Variants in APBA2 observed in about 807,000 individuals in gnomAD.
The protein encoded by APBA2 is amyloid beta precursor protein binding family A member 2, also known as amyloid-beta A4 precursor protein-binding family A member 2.
Under a neutral mutation model 75.0 loss-of-function variants are expected in APBA2, and 30 were observed. The observed-to-expected ratio is 0.40, with a 90% confidence interval of 0.30 to 0.54. The LOEUF (loss-of-function observed/expected upper bound fraction) is 0.54, where lower values mean the gene tolerates loss of function less well. Ranked by LOEUF, APBA2 falls within the 20% of genes least tolerant of loss-of-function variation. APBA2 has a pLI of 0.49. For missense variants in APBA2, 801 were observed against 1,016.1 expected (o/e 0.79, Z 2.88); for synonymous variants, 444 against 409.6 (o/e 1.08, Z -1.01).
rs77336640 is a variant in APBA2, at chr15:29,032,952, G to A, written c.-40-20893G>A. Among the ~76,000 whole-genome samples, 48 of 152,328 alleles carry A rather than the reference G, an allele frequency of 3.2e-4. No individual in the cohort carries two copies. In the East Asian group the frequency reaches 9.3e-3, roughly 29 times the overall value. Reference sequence around the variant, plus strand: ...TGGCCAGCTGCAGCATGGGGAGCATGGACTCTGCCCACAGCTGTGGCGAGA... The same window carrying A: ...TGGCCAGCTGCAGCATGGGGAGCATAGACTCTGCCCACAGCTGTGGCGAGA... On this transcript the variant is annotated intron_variant, in intron 3 of 14. Coordinates refer to ENST00000683413, the MANE Select transcript of APBA2 (RefSeq NM_001353788.2).
intron 1 of APBA2, among the ~76,000 whole-genome samples, chr15:28,905,715 G>T (rs2033099292): frequency 6.6e-6 from 1 of 152,088 alleles, no homozygotes; most frequent in Non-Finnish European, 1.5e-5. Context: ...TAAAAATGCT[G>T]TCTTCTAGCA....
chr15:29,002,561 G>A (rs983984192), intron 3 of APBA2, among the ~76,000 whole-genome samples: 1 of 151,464 alleles, frequency 6.6e-6, no homozygotes, highest in Admixed American at 6.6e-5. Context: ...CTGGTCTCGG[G>A]GGGTCAGCGA....
At chr15:28,958,530 T>G (rs1187955448) in intron 2 of APBA2, among the ~76,000 whole-genome samples, 1 of 152,272 alleles carries the variant, frequency 6.6e-6, no homozygotes, top group Non-Finnish European at 1.5e-5. Flanking sequence ...TGAACTTTTC[T>G]GTAGGTAAAT....
intron 2 of APBA2, among the ~76,000 whole-genome samples, chr15:28,962,024 A>T (rs1306067028): frequency 6.6e-6 from 1 of 152,116 alleles, no homozygotes; most frequent in Non-Finnish European, 1.5e-5. Flanking sequence ...AGTTTTGAAG[A>T]TGATGAATTT....
chr15:28,909,432 C>A (rs559769811), intron 1 of APBA2, among the ~76,000 whole-genome samples: 13 of 152,228 alleles, frequency 8.5e-5, no homozygotes, highest in African/African-American at 3.1e-4. Context: ...TTGTAGCATG[C>A]GTCAGAACTT....
chr15:28,919,958 G>A (rs2033886811), intron 1 of APBA2, among the ~76,000 whole-genome samples: 1 of 152,160 alleles, frequency 6.6e-6, no homozygotes, highest in Non-Finnish European at 1.5e-5. Context: ...CTCCCAGCCC[G>A]ATGCTCCCTC....
At chr15:28,940,292 C>T (rs1400926008) in intron 2 of APBA2, among the ~76,000 whole-genome samples, 1 of 134,572 alleles carries the variant, frequency 7.4e-6, no homozygotes, top group African/African-American at 2.8e-5. Context: ...GCAGGTGGAT[C>T]ATGAGGTCAG....
chr15:28,989,388 G>T (rs187473501), intron 2 of APBA2, among the ~76,000 whole-genome samples: 2 of 152,148 alleles, frequency 1.3e-5, no homozygotes, highest in Non-Finnish European at 1.5e-5. Context: ...GCGCAGGTTC[G>T]TATCTGTGAA....
At chr15:29,041,278 A>G (rs1315091323) in intron 3 of APBA2, among the ~76,000 whole-genome samples, 1 of 152,106 alleles carries the variant, frequency 6.6e-6, no homozygotes, top group Non-Finnish European at 1.5e-5. Flanking sequence ...TAAGATCGGC[A>G]TGGGCAATAT....
Position 29,117,141 on chromosome 15 carries a change from C to T in APBA2, c.*8C>T, listed in dbSNP as rs755845946. ...ACCCCGCTGTACATCTAGGCCACCCCAGCCTGGCCACGCAGCCAGGACACC... is the reference window on the plus strand; with the variant it reads ...ACCCCGCTGTACATCTAGGCCACCCTAGCCTGGCCACGCAGCCAGGACACC... On this transcript the variant is annotated 3_prime_UTR_variant, in exon 15 of 15. Coordinates refer to ENST00000683413, the MANE Select transcript of APBA2 (RefSeq NM_001353788.2). The T allele has an allele frequency of 2.0e-5, 33 of 1,612,632 alleles. No individual in the cohort carries two copies. Among genetic ancestry groups the T allele is most frequent in the African/African-American group, 2.7e-5 (2 of 74,926 alleles).
intron 2 of APBA2, among the ~76,000 whole-genome samples, chr15:28,928,410 G>A (rs557810281): frequency 1.3e-5 from 2 of 152,158 alleles, no homozygotes; most frequent in South Asian, 2.1e-4. Context: ...AGTGAGTGTC[G>A]TGCAGCTCTC....
intron 2 of APBA2, among the ~76,000 whole-genome samples, chr15:28,945,130 C>T (rs1490488675): frequency 6.6e-6 from 1 of 152,218 alleles, no homozygotes; most frequent in Non-Finnish European, 1.5e-5. Flanking sequence ...CAACTCACAG[C>T]CAGCCGCGGC....
At chr15:29,040,108 G>A (rs1275662617) in intron 3 of APBA2, among the ~76,000 whole-genome samples, 1 of 152,168 alleles carries the variant, frequency 6.6e-6, no homozygotes, top group Non-Finnish European at 1.5e-5. Flanking sequence ...TCACTGTTTT[G>A]TTTTGTCTTT....
At chr15:28,909,203 G>C (rs1469870687) in intron 1 of APBA2, among the ~76,000 whole-genome samples, 2 of 151,608 alleles carry the variant, frequency 1.3e-5, no homozygotes, top group African/African-American at 4.8e-5. Flanking sequence ...TGTTAGCCAG[G>C]ATGGTCTCAA....
chr15:29,068,348 G>A (rs573498654), intron 4 of APBA2, among the ~76,000 whole-genome samples: 1 of 152,244 alleles, frequency 6.6e-6, no homozygotes, highest in African/African-American at 2.4e-5. Context: ...CTAAGCAATG[G>A]TATTAGAAAG....
chr15:28,924,320 T>A (rs774835353), intron 2 of APBA2, among the ~76,000 whole-genome samples: 8 of 152,104 alleles, frequency 5.3e-5, no homozygotes, highest in Non-Finnish European at 1.0e-4. Flanking sequence ...TTCAGTAACA[T>A]GTAGTGCATT....
chr15:29,116,433 T>C (rs112660478), intron 14 of APBA2, among the ~76,000 whole-genome samples: 7,484 of 152,038 alleles, frequency 0.049, 565 homozygotes, highest in African/African-American at 0.16. Flanking sequence ...GAGACCATCC[T>C]GGCTAACACG....
At chr15:29,015,771 G>A (rs1402935110) in intron 3 of APBA2, among the ~76,000 whole-genome samples, 1 of 152,144 alleles carries the variant, frequency 6.6e-6, no homozygotes, top group Non-Finnish European at 1.5e-5. Flanking sequence ...AGGTTTGTGG[G>A]GGGACAAGAG....
chr15:29,011,327 C>T (rs758687840), intron 3 of APBA2, among the ~76,000 whole-genome samples: 10 of 152,198 alleles, frequency 6.6e-5, no homozygotes, highest in Non-Finnish European at 1.2e-4. Context: ...TTTTTGGATA[C>T]GTTGTATTTT....
Sources: allele counts gnomAD v4.1 joint callset (sites outside exome capture counted in the v4.1 genomes callset), GRCh38; gene constraint gnomAD v4.1.1; transcripts MANE v1.5; gene names NCBI Gene and HGNC (gene_info 2026-07-23, HGNC 2026-07-21).